Variants in LRCH3 observed in about 807,000 individuals in gnomAD.
LRCH3 encodes the protein DISP complex protein LRCH3.
LRCH3 carries 68 observed loss-of-function variants against 104.5 expected under a neutral mutation model. The ratio of observed to expected loss-of-function variants is 0.65; its 90% CI spans 0.54 to 0.80. The LOEUF is 0.80. Among genes scored for constraint, LRCH3 ranks in the 30% least tolerant of loss-of-function variants. The pLI, the probability that LRCH3 is intolerant of heterozygous loss-of-function variation, is 0.00. For missense variants in LRCH3, 951 were observed against 953.9 expected, an observed-to-expected ratio of 1.00 and a Z score of 0.04; for synonymous variants, 344 against 361.3, an observed-to-expected ratio of 0.95 and a Z score of 0.54.
In LRCH3 at chr3:197,818,841, C is replaced by A. The variant is rs1734149850; in HGVS notation, c.535-1484C>A. Among the ~76,000 whole-genome samples, 3 of 152,170 alleles carry A rather than the reference C, an allele frequency of 2.0e-5. 1 individual carries two copies. The South Asian group carries it at 6.2e-4, about 32-fold the overall frequency. ...CTTGTGGCAGAATAAGAATTAGTGT[C>A]CCAGCCAGGCGCAGTGGCTCACACT... On this transcript the variant is annotated intron_variant, in intron 3 of 20. Coordinates refer to ENST00000425562, the MANE Select transcript of LRCH3 (RefSeq NM_001365715.1).
chr3:197,865,482 C>T lies in LRCH3; in HGVS notation c.1765+11C>T. The T allele has an allele frequency of 1.3e-6, 2 of 1,494,764 alleles. No homozygotes were observed. The highest frequency in any genetic ancestry group is 1.8e-6 in the Non-Finnish European group (2 of 1,110,164). The allele number at this position is 1,494,764 out of a possible 1,614,324, so 92.6% of individuals were successfully genotyped here. Reference sequence around the variant, plus strand: ...CTGCAACAGAAACAGGTAATAGACACAAAGGTGCAATTAACCACATCAAGA... The same window carrying T: ...CTGCAACAGAAACAGGTAATAGACATAAAGGTGCAATTAACCACATCAAGA... On this transcript the variant is annotated intron_variant, in intron 16 of 20. Transcript: ENST00000425562.
rs1025273718 is a variant in LRCH3, at chr3:197,812,094, T to C, written c.263-2814T>C. Among the ~76,000 whole-genome samples, 4 of 152,236 alleles carry C rather than the reference T, an allele frequency of 2.6e-5. No homozygotes were observed. In the East Asian group the frequency reaches 7.7e-4, roughly 29 times the overall value. Reference sequence around the variant, plus strand: ...GTGGTATTAAGTACCTTCATACTGTTGTGCAGCTATCACCAACTAAATCCA... The same window carrying C: ...GTGGTATTAAGTACCTTCATACTGTCGTGCAGCTATCACCAACTAAATCCA... On this transcript the variant is annotated intron_variant, in intron 1 of 20. Coordinates refer to ENST00000425562, the MANE Select transcript of LRCH3 (RefSeq NM_001365715.1).
chr3:197,825,941 A>C (rs1231691031), intron 4 of LRCH3, among the ~76,000 whole-genome samples: 1 of 152,072 alleles, frequency 6.6e-6, no homozygotes, highest in East Asian at 1.9e-4. Flanking sequence ...TTTATGTTTC[A>C]GTGATTAAAG....
At chr3:197,809,418 G>T (rs561428988) in intron 1 of LRCH3, among the ~76,000 whole-genome samples, 1 of 152,192 alleles carries the variant, frequency 6.6e-6, no homozygotes, top group South Asian at 2.1e-4. Flanking sequence ...GAATCTACAG[G>T]TTCATGACTC....
At position 197,826,071 on chromosome 3, in the gene LRCH3, G is replaced by A. The variant is rs112684162; in HGVS notation, c.641-807G>A. Among the ~76,000 whole-genome samples, 611 of 152,228 alleles carry A rather than the reference G, an allele frequency of 4.0e-3. 5 individuals are homozygous for A. The highest frequency in any genetic ancestry group is 0.014 in the African/African-American group (588 of 41,510). On this transcript the variant is annotated intron_variant, in intron 4 of 20. Coordinates refer to ENST00000425562, the MANE Select transcript of LRCH3 (RefSeq NM_001365715.1). ...TTAGTTAGTTGGTTTTGATGTTGGA[G>A]ATGTCTAAATGTCTGTGGATCATAT...
At position 197,888,299 on chromosome 3, in the gene LRCH3, A is replaced by AT. The variant is rs563923930; in HGVS notation, c.*4638dup. On this transcript the variant is annotated 3_prime_UTR_variant, in exon 21 of 21. Transcript: ENST00000425562. ...AAGATTTTGTAAAACATTGTCCTGT[A>AT]TTTTTGTCTGTAAATATATTGCATA... is the stretch of plus-strand genomic sequence containing the variant. The AT allele has an allele frequency of 2.2e-3, 336 of 152,312 alleles. 1 individual carries two copies. The highest frequency in any genetic ancestry group is 7.8e-3 in the African/African-American group (326 of 41,568). The allele number at this position is 152,312 out of a possible 1,614,324, so 9.4% of individuals were successfully genotyped here.
intron 2 of LRCH3, among the ~76,000 whole-genome samples, chr3:197,816,124 G>A (rs1218832217): frequency 2.0e-5 from 3 of 152,102 alleles, no homozygotes; most frequent in South Asian, 2.1e-4. Flanking sequence ...TAAGATAGAT[G>A]TCTGGGAGTG....
chr3:197,856,577 G>C lies in LRCH3; in HGVS notation c.1644+2132G>C, dbSNP rs1740274976. On this transcript the variant is annotated intron_variant, in intron 14 of 20. Transcript: ENST00000425562. This position sits in a 1 kb window ranked among gnomAD's most constrained non-coding sequence, Gnocchi z 4.2. ...ATTTTTTTATTTTTTTGTAGAGTCAGGGTCTCACTGTGTTGCCCAGGCTGG... is the reference window on the plus strand; with the variant it reads ...ATTTTTTTATTTTTTTGTAGAGTCACGGTCTCACTGTGTTGCCCAGGCTGG... Among the ~76,000 whole-genome samples, 1 of 151,884 alleles carries C rather than the reference G, an allele frequency of 6.6e-6. No homozygotes were observed. The highest frequency in any genetic ancestry group is 2.4e-5 in the African/African-American group (1 of 41,356).
chr3:197,876,634 C>T (rs147694385), intron 20 of LRCH3, among the ~76,000 whole-genome samples: 9 of 152,266 alleles, frequency 5.9e-5, no homozygotes, highest in Non-Finnish European at 2.9e-5. Context: ...TCATTAACCA[C>T]GACCATTACA....
chr3:197,830,049 C>T (rs1735725183), intron 6 of LRCH3, among the ~76,000 whole-genome samples: 1 of 152,230 alleles, frequency 6.6e-6, no homozygotes, highest in Non-Finnish European at 1.5e-5. Flanking sequence ...GTGACTTGAA[C>T]GCTAACTTTA....
Position 197,826,929 on chromosome 3 carries a change from C to G in LRCH3, c.692C>G (p.Thr231Ser), listed in dbSNP as rs1228257886. Reference sequence around the variant, plus strand: ...TTAGACTTCTCATGCAATAAAATTACCACAATCCCTGTTTGTTATCGGAAC... The same window carrying G: ...TTAGACTTCTCATGCAATAAAATTAGCACAATCCCTGTTTGTTATCGGAAC... ...IRLDFSCNKI[T>S]TIPVCYRNLR... is the part of the protein sequence containing the mutation. The change falls in exon 5 of 21, where the codon ACC (threonine) becomes AGC (serine). Residue 231 changes from threonine to serine, a missense_variant. Coordinates refer to ENST00000425562, the MANE Select transcript of LRCH3 (RefSeq NM_001365715.1). 13 of 1,613,952 alleles carry G rather than the reference C, an allele frequency of 8.1e-6. No homozygotes were observed. Among genetic ancestry groups the G allele is most frequent in the Non-Finnish European group, 1.0e-5 (12 of 1,180,006 alleles).
Position 197,817,288 on chromosome 3 carries a change from C to T in LRCH3, c.520C>T (p.His174Tyr). The change falls in exon 3 of 21, where the codon CAT (histidine) becomes TAT (tyrosine). Residue 174 changes from histidine (H) to tyrosine (Y), a missense_variant. By Grantham distance (83) the His-to-Tyr change is moderately conservative. Transcript: ENST00000425562. ...SLPEEIGHLR[H>Y]LMELDVSCNE... The stretch of plus-strand genomic sequence containing the variant: ...TCCAGAAGAAATTGGACACCTTAGA[C>T]ATTTGATGGAACTTGTAAGTTAATA... 1 of 1,537,704 alleles carries T rather than the reference C, an allele frequency of 6.5e-7. No individual in the cohort carries two copies. Among genetic ancestry groups the T allele is most frequent in the Non-Finnish European group, 8.9e-7 (1 of 1,126,370 alleles).
In LRCH3 at chr3:197,820,680, A is replaced by C. The variant is rs181129236; in HGVS notation, c.640+250A>C. On this transcript the variant is annotated intron_variant, in intron 4 of 20. Coordinates refer to ENST00000425562, the MANE Select transcript of LRCH3 (RefSeq NM_001365715.1). The stretch of plus-strand genomic sequence containing the variant: ...ACAAATTAGCCCAGGGGGCTGGCGC[A>C]CTCTTGTAGTCCCAGCTACTCAGGA... Among the ~76,000 whole-genome samples the C allele has an allele frequency of 2.6e-5, 4 of 151,978 alleles. No individual in the cohort carries two copies. The East Asian group carries it at 7.8e-4, about 29-fold the overall frequency.
intron 2 of LRCH3, 80 bp from the exon 3 acceptor site, chr3:197,817,096 T>TA: frequency 8.0e-7 from 1 of 1,243,836 alleles, no homozygotes; most frequent in Non-Finnish European, 1.1e-6. Context: ...GTTATTTTAC[T>TA]GAGTATAGCG....
intron 1 of LRCH3, among the ~76,000 whole-genome samples, chr3:197,804,240 C>T (rs980535572): frequency 1.5e-4 from 22 of 150,984 alleles, no homozygotes; most frequent in African/African-American, 4.9e-4. Context: ...TGGGCGACAG[C>T]GTAAGACCCT....
At chr3:197,881,617 A>G (rs1713778764) in intron 20 of LRCH3, 8 of 985,490 alleles carry the variant, frequency 8.1e-6, no homozygotes, top group Non-Finnish European at 9.6e-6. Flanking sequence ...GGCAGTGAAT[A>G]TTGTCTAGCT....
rs941533805 is a variant in LRCH3, at chr3:197,838,603, T to C, written c.1252-718T>C. Among the ~76,000 whole-genome samples, 7 of 152,356 alleles carry C rather than the reference T, an allele frequency of 4.6e-5. No homozygotes were observed. The East Asian group carries it at 1.3e-3, about 29-fold the overall frequency. Reference sequence around the variant, plus strand: ...TTGTATTGCTTCTATAGGTTTTCCTTTGATAACCTTTAATCCTCTACCTTT... The same window carrying C: ...TTGTATTGCTTCTATAGGTTTTCCTCTGATAACCTTTAATCCTCTACCTTT... On this transcript the variant is annotated intron_variant, in intron 9 of 20. Transcript: ENST00000425562.
At chr3:197,852,644 CT>C in intron 13 of LRCH3, 24 bp downstream of exon 13, 1 of 1,607,342 alleles carries the variant, frequency 6.2e-7, no homozygotes, top group Non-Finnish European at 8.5e-7. Flanking sequence ...ATCTCCTTTT[CT>C]TTGGAGTTGA....
At position 197,882,088 on chromosome 3, in the gene LRCH3, T is replaced by C. The variant is rs942637229; in HGVS notation, c.2209-1453T>C. ...TAAAAAACACACACAGGCTCTCATGTGGTTTAGGGGTTGTAATTGTACATT... is the reference window on the plus strand; with the variant it reads ...TAAAAAACACACACAGGCTCTCATGCGGTTTAGGGGTTGTAATTGTACATT... On this transcript the variant is annotated intron_variant, in intron 20 of 20. Coordinates refer to ENST00000425562, the MANE Select transcript of LRCH3 (RefSeq NM_001365715.1). 109 of 985,366 alleles carry C rather than the reference T, an allele frequency of 1.1e-4. 1 individual carries two copies. The African/African-American group carries it at 1.6e-3, about 14-fold the overall frequency. 61.0% of individuals were successfully genotyped at this position (985,366 alleles called of 1,614,324 possible). A position where few individuals can be genotyped will look rare whatever the true frequency, so the allele number is the denominator to read the frequency against.
Sources: allele counts gnomAD v4.1 joint callset (sites outside exome capture counted in the v4.1 genomes callset), GRCh38; gene constraint gnomAD v4.1.1; non-coding constraint Gnocchi (gnomAD v3.1); transcripts MANE v1.5; gene names NCBI Gene and HGNC (gene_info 2026-07-23, HGNC 2026-07-21).